Variants in RHBDD2 observed in about 807,000 individuals in gnomAD.
RHBDD2 encodes the protein rhomboid domain containing 2, also known as rhomboid domain-containing protein 2.
RHBDD2 carries 13 observed loss-of-function variants against 21.7 expected under a neutral mutation model. The observed-to-expected ratio is 0.60, with a 90% CI of 0.39 to 0.95. The LOEUF is 0.95. Ranked by LOEUF, RHBDD2 falls within the 40% of genes least tolerant of loss-of-function variation. RHBDD2 has a pLI of 0.00. For missense variants in RHBDD2, 473 were observed against 478.9 expected (o/e 0.99, Z 0.11); for synonymous variants, 225 against 220.0 (o/e 1.02, Z -0.20).
chr7:75,882,301 T>C, intron 2 of RHBDD2, 65 bp downstream of exon 2: 13 of 1,425,132 alleles, frequency 9.1e-6, no homozygotes, highest in Non-Finnish European at 1.2e-5. Context: ...CTGGAGGGTC[T>C]GGGGTGTCAA....
intron 3 of RHBDD2, among the ~76,000 whole-genome samples, chr7:75,886,350 G>A (rs947501045): frequency 1.3e-5 from 2 of 151,938 alleles, no homozygotes; most frequent in African/African-American, 2.4e-5. Context: ...CTCAATGTGG[G>A]GGAGACTGTA....
At chr7:75,885,527 C>T (rs539852520) in intron 3 of RHBDD2, among the ~76,000 whole-genome samples, 73 of 152,194 alleles carry the variant, frequency 4.8e-4, no homozygotes, top group African/African-American at 1.7e-3. Context: ...AAAAGGAGCT[C>T]GCTGGGAAAG....
At chr7:75,886,997 GC>G (rs1433597465) in intron 3 of RHBDD2, among the ~76,000 whole-genome samples, 5 of 152,086 alleles carry the variant, frequency 3.3e-5, no homozygotes, top group African/African-American at 1.2e-4. Flanking sequence ...TCTGGTGCCT[GC>G]TGCAGACACT....
intron 3 of RHBDD2, among the ~76,000 whole-genome samples, chr7:75,886,971 A>G (rs1326217037): frequency 6.6e-6 from 1 of 152,088 alleles, no homozygotes; most frequent in African/African-American, 2.4e-5. Context: ...CGTGACATGG[A>G]GTCCAGTCCC....
chr7:75,887,117 G>T (rs1413568937), intron 3 of RHBDD2, among the ~76,000 whole-genome samples: 4 of 151,054 alleles, frequency 2.6e-5, no homozygotes, highest in Admixed American at 6.6e-5. Flanking sequence ...CTCCTCAGAG[G>T]CTCTTGTTGA....
intron 1 of RHBDD2, 29 bp from the exon 2 acceptor site, chr7:75,881,800 C>T: frequency 6.4e-7 from 1 of 1,561,396 alleles, no homozygotes; most frequent in Non-Finnish European, 8.7e-7. Context: ...CAACCCGCCG[C>T]CAGGCCTCTA....
intron 1 of RHBDD2, chr7:75,880,317 T>A (rs1350389308): frequency 1.3e-5 from 2 of 152,046 alleles, no homozygotes; most frequent in Non-Finnish European, 2.9e-5. Context: ...CAGACTGAGG[T>A]ATATGGTTCC....
chr7:75,884,433 C>G (rs1554543364), intron 3 of RHBDD2, among the ~76,000 whole-genome samples: 2 of 152,094 alleles, frequency 1.3e-5, no homozygotes, highest in African/African-American at 4.8e-5. Flanking sequence ...GTTACCAAGG[C>G]TGGTCTCAAA....
At chr7:75,886,956 C>G (rs1805713189) in intron 3 of RHBDD2, among the ~76,000 whole-genome samples, 1 of 152,054 alleles carries the variant, frequency 6.6e-6, no homozygotes, top group Non-Finnish European at 1.5e-5. Flanking sequence ...CTTCTGTGTT[C>G]CCCACGTGAC....
chr7:75,879,798 G>C (rs1554542164), intron 1 of RHBDD2, among the ~76,000 whole-genome samples: 1 of 152,190 alleles, frequency 6.6e-6, no homozygotes, highest in Non-Finnish European at 1.5e-5. Flanking sequence ...GCCATTCCCA[G>C]CTCATGGGGG....
intron 2 of RHBDD2, among the ~76,000 whole-genome samples, chr7:75,882,471 C>T (rs923989316): frequency 2.6e-5 from 4 of 152,006 alleles, no homozygotes; most frequent in African/African-American, 9.7e-5. Flanking sequence ...AGGTGTGCAC[C>T]ACTACACCCG....
chr7:75,886,229 G>C (rs1805656964), intron 3 of RHBDD2, among the ~76,000 whole-genome samples: 1 of 152,154 alleles, frequency 6.6e-6, no homozygotes. Context: ...GCTCCCAGCT[G>C]TCAACAGCTC....
intron 1 of RHBDD2, among the ~76,000 whole-genome samples, chr7:75,880,002 T>C (rs1299219687): frequency 1.3e-5 from 2 of 152,222 alleles, no homozygotes; most frequent in Non-Finnish European, 2.9e-5. Flanking sequence ...CACTGATATG[T>C]ATTAATTTCG....
chr7:75,884,569 A>G (rs1554543397), intron 3 of RHBDD2, among the ~76,000 whole-genome samples: 1 of 152,184 alleles, frequency 6.6e-6, no homozygotes, highest in Non-Finnish European at 1.5e-5. Context: ...TGGCTGGTTT[A>G]TTGCCGTAAG....
intron 3 of RHBDD2, among the ~76,000 whole-genome samples, chr7:75,885,446 C>T (rs117287276): frequency 0.033 from 5,063 of 152,198 alleles, 123 homozygotes; most frequent in Middle Eastern, 0.068. Context: ...CTGAGTTCTC[C>T]GCTGGTTTCT....
At chr7:75,884,225 T>A (rs1318617483) in intron 3 of RHBDD2, among the ~76,000 whole-genome samples, 1 of 152,078 alleles carries the variant, frequency 6.6e-6, no homozygotes, top group Admixed American at 6.6e-5. Flanking sequence ...GTTTTTTTAT[T>A]CTTTTTTTTA....
rs1393646950 is a variant in RHBDD2, at chr7:75,879,097, G to A, written c.15G>A (p.Gly5=). 2 of 1,367,580 alleles carry A rather than the reference G, an allele frequency of 1.5e-6. No individual in the cohort carries two copies. The highest frequency in any genetic ancestry group is 1.9e-6 in the Non-Finnish European group (2 of 1,052,958). 84.7% of individuals were successfully genotyped at this position (1,367,580 alleles called of 1,614,324 possible). Residue 5 remains glycine, a synonymous_variant, in exon 1 of 4, where the codon GGG becomes GGA. Coordinates refer to ENST00000006777, the MANE Select transcript of RHBDD2 (RefSeq NM_001040456.3). MAAS[G]PGCRSWCLCP... is the part of the protein sequence containing the mutation. ...CGACGGCGGCCATGGCGGCCTCGGG[G>A]CCCGGGTGTCGCAGCTGGTGCTTGT...
At chr7:75,886,689 C>T (rs1554543977) in intron 3 of RHBDD2, among the ~76,000 whole-genome samples, 2 of 152,036 alleles carry the variant, frequency 1.3e-5, no homozygotes. Flanking sequence ...TGGTGGGCAC[C>T]TGTAGTCCCA....
At chr7:75,883,900 A>AC in intron 3 of RHBDD2, 52 bp downstream of exon 3, 1 of 1,155,582 alleles carries the variant, frequency 8.7e-7, no homozygotes, top group Non-Finnish European at 1.2e-6. Context: ...AAAAAAAATT[A>AC]TTTTTTTTTT....
Sources: gnomAD v4.1 joint callset for allele counts (sites outside exome capture counted in the v4.1 genomes callset) on GRCh38, gnomAD v4.1.1 for gene constraint, MANE v1.5 for transcripts, NCBI Gene and HGNC (gene_info 2026-07-23, HGNC 2026-07-21) for gene names.